PLCB4: variants seen among roughly 807,000 people sequenced by gnomAD.
PLCB4 encodes the protein phospholipase C beta 4, also known as 1-phosphatidylinositol 4,5-bisphosphate phosphodiesterase beta-4.
PLCB4 carries 77 observed loss-of-function variants against 178.8 expected under a neutral mutation model. That is an observed-to-expected ratio of 0.43 (90% CI 0.36 to 0.52). PLCB4 has a LOEUF of 0.52. Ranked by LOEUF, PLCB4 falls within the 20% of genes least tolerant of loss-of-function variation. PLCB4 has a pLI of 0.00. For synonymous variants in PLCB4, 496 were observed against 490.8 expected (o/e 1.01, Z -0.14); for missense variants, 1,024 against 1,453.4 (o/e 0.70, Z 4.80).
intron 7 of PLCB4, among the ~76,000 whole-genome samples, chr20:9,357,903 G>A (rs565913505): frequency 3.3e-5 from 5 of 152,218 alleles, no homozygotes; most frequent in Non-Finnish European, 7.3e-5. Context: ...ACTCCAAGTT[G>A]AGGGGGGCTG....
intron 3 of PLCB4, among the ~76,000 whole-genome samples, chr20:9,269,489 A>C (rs570407317): frequency 6.6e-6 from 1 of 152,184 alleles, no homozygotes; most frequent in Admixed American, 6.6e-5. Context: ...CTATGTCATC[A>C]TTCCAACACA....
In PLCB4 at chr20:9,367,016, C is replaced by T. The variant is rs553023224; in HGVS notation, c.503+1502C>T. On this transcript the variant is annotated intron_variant, in intron 9 of 39. Transcript: ENST00000378473. ...CAGTGGCATGTGCTGTGGCTCCTGG[C>T]ATTTCTGACTCTCCTTTGCCTCCTT... is the stretch of plus-strand genomic sequence containing the variant. Among the ~76,000 whole-genome samples the T allele has an allele frequency of 2.6e-5, 4 of 152,342 alleles. No homozygotes were observed. In the South Asian group the frequency reaches 8.3e-4, roughly 32 times the overall value.
chr20:9,188,085 G>A (rs1037792040), intron 2 of PLCB4, among the ~76,000 whole-genome samples: 1 of 152,184 alleles, frequency 6.6e-6, no homozygotes, highest in Non-Finnish European at 1.5e-5. Flanking sequence ...AATATGAATT[G>A]ATCAGACACA....
intron 4 of PLCB4, among the ~76,000 whole-genome samples, chr20:9,330,420 T>G (rs2031462818): frequency 6.6e-6 from 1 of 152,106 alleles, no homozygotes; most frequent in South Asian, 2.1e-4. Context: ...ATGTACCTAG[T>G]GGAGTCTACC....
chr20:9,160,428 C>A (rs564275460), intron 2 of PLCB4, among the ~76,000 whole-genome samples: 3 of 152,116 alleles, frequency 2.0e-5, no homozygotes, highest in Non-Finnish European at 4.4e-5. Context: ...TCAGTAGATA[C>A]GTGTTGAGTA....
In PLCB4 at chr20:9,444,161, C is replaced by A. The variant is rs879296199; in HGVS notation, c.2815-17C>A. The A allele has an allele frequency of 1.4e-4, 213 of 1,568,400 alleles. No individual in the cohort carries two copies. Among genetic ancestry groups the A allele is most frequent in the Non-Finnish European group, 1.8e-4 (208 of 1,149,020 alleles). On this transcript the variant is annotated splice_polypyrimidine_tract_variant and intron_variant, in intron 31 of 39. Coordinates refer to ENST00000378473, the MANE Select transcript of PLCB4 (RefSeq NM_001377142.1). ...AAAAACAAAAAACCTATTTTTGATT[C>A]TATTTTTCTCCCAAAGGCTTACTTG... is the stretch of plus-strand genomic sequence containing the variant.
At chr20:9,280,405 CAA>C in intron 3 of PLCB4, 2 of 969,080 alleles carry the variant, frequency 2.1e-6, no homozygotes, top group South Asian at 4.8e-5. Context: ...TATCAAAGGA[CAA>C]AGATATTGTG....
At chr20:9,405,569 A>T (rs2039377793) in intron 21 of PLCB4, among the ~76,000 whole-genome samples, 1 of 152,190 alleles carries the variant, frequency 6.6e-6, no homozygotes, top group Non-Finnish European at 1.5e-5. Flanking sequence ...GAACTACATG[A>T]TCATCAGCAT....
intron 2 of PLCB4, among the ~76,000 whole-genome samples, chr20:9,127,652 AT>A (rs1294178967): frequency 2.7e-5 from 3 of 112,556 alleles, no homozygotes; most frequent in African/African-American, 6.0e-5. Flanking sequence ...CTATCTATCT[AT>A]CTATCTATCT....
intron 39 of PLCB4, 23 bp downstream of exon 39, chr20:9,476,776 CAAGACGTTGCTTTCCTT>C (rs763172973): frequency 6.4e-7 from 1 of 1,562,108 alleles, no homozygotes; most frequent in Non-Finnish European, 8.8e-7. Flanking sequence ...CTCTGATAAG[CAAGACGTTGCTTTCCTT>C]CTCGACTACG....
At chr20:9,324,869 G>A (rs1235297562) in intron 4 of PLCB4, among the ~76,000 whole-genome samples, 1 of 151,856 alleles carries the variant, frequency 6.6e-6, no homozygotes, top group Non-Finnish European at 1.5e-5. Context: ...AAAAAAAAAA[G>A]CATTTTCAAA....
intron 27 of PLCB4, among the ~76,000 whole-genome samples, chr20:9,422,701 A>T (rs978266071): frequency 3.3e-5 from 5 of 152,098 alleles, no homozygotes; most frequent in African/African-American, 1.2e-4. Context: ...CGTTTTTTTC[A>T]TTGCTAGCAA....
chr20:9,459,263 G>T (rs2043240631), intron 34 of PLCB4, among the ~76,000 whole-genome samples: 1 of 152,168 alleles, frequency 6.6e-6, no homozygotes, highest in South Asian at 2.1e-4. Context: ...AGAATCGCTT[G>T]AACCCAGGAG....
At chr20:9,188,360 C>T (rs958502820) in intron 2 of PLCB4, among the ~76,000 whole-genome samples, 4 of 152,278 alleles carry the variant, frequency 2.6e-5, no homozygotes, top group South Asian at 2.1e-4. Flanking sequence ...TTGTCATGTG[C>T]GAGGAACAGC....
intron 3 of PLCB4, among the ~76,000 whole-genome samples, chr20:9,221,875 C>G (rs1255203137): frequency 6.6e-6 from 1 of 152,104 alleles, no homozygotes; most frequent in Non-Finnish European, 1.5e-5. Context: ...TTTCCAGGCA[C>G]ACAGGTTAAC....
At chr20:9,384,474 T>A in intron 14 of PLCB4, 63 bp downstream of exon 14, 1 of 1,176,808 alleles carries the variant, frequency 8.5e-7, no homozygotes, top group South Asian at 1.2e-5. Context: ...AATTTACTTT[T>A]CTCTGAAAAA....
rs1369888824 is a variant in PLCB4, at chr20:9,331,748, A to T, written c.85-5378A>T. ...TGAAACAGCATGTGTGAGGGAAAAT[A>T]TACTAAAAATAACACACAAGTGAAA... On this transcript the variant is annotated intron_variant, in intron 4 of 39. Coordinates refer to ENST00000378473, the MANE Select transcript of PLCB4 (RefSeq NM_001377142.1). 2.0e-5 allele frequency among the ~76,000 whole-genome samples: 3 copies of T among 152,208 alleles called. No individual in the cohort carries two copies. The East Asian group carries it at 5.8e-4, about 29-fold the overall frequency.
chr20:9,212,682 G>A (rs944752128), intron 2 of PLCB4, among the ~76,000 whole-genome samples: 3 of 152,070 alleles, frequency 2.0e-5, no homozygotes, highest in Non-Finnish European at 1.5e-5. Flanking sequence ...AAAATTGGAT[G>A]TTTTCCATCA....
chr20:9,194,991 G>C (rs1039036848), intron 2 of PLCB4, among the ~76,000 whole-genome samples: 2 of 152,126 alleles, frequency 1.3e-5, no homozygotes, highest in Non-Finnish European at 2.9e-5. Context: ...TAAGTGAGGC[G>C]ATGGCAAGAT....
Sources: gnomAD v4.1 joint callset for allele counts (sites outside exome capture counted in the v4.1 genomes callset) on GRCh38, gnomAD v4.1.1 for gene constraint, MANE v1.5 for transcripts, NCBI Gene and HGNC (gene_info 2026-07-23, HGNC 2026-07-21) for gene names.